The following BCAR3 variants were observed in gnomAD, a reference collection of about 807,000 sequenced individuals.
The protein encoded by BCAR3 is breast cancer anti-estrogen resistance protein 3.
BCAR3 carries 37 observed loss-of-function variants against 80.1 expected under a neutral mutation model. The ratio of observed to expected loss-of-function variants is 0.46; its 90% CI spans 0.36 to 0.61. The LOEUF is 0.61. Ranked by LOEUF, BCAR3 falls within the 20% of genes least tolerant of loss-of-function variation. BCAR3 has a pLI of 0.00. For missense variants in BCAR3, 978 were observed against 1,068.2 expected (o/e 0.92, Z 1.18); for synonymous variants, 389 against 418.9 (o/e 0.93, Z 0.87).
upstream of BCAR3, among the ~76,000 whole-genome samples, chr1:93,685,324 T>A (rs191683337): frequency 6.4e-4 from 97 of 152,032 alleles, no homozygotes; most frequent in African/African-American, 2.2e-3. Context: ...GTACTGCTAT[T>A]AATATTGTAT....
At chr1:93,605,373 C>T (rs191350479) in intron 3 of BCAR3, 33 of 152,352 alleles carry the variant, frequency 2.2e-4, no homozygotes, top group African/African-American at 7.2e-4. Context: ...TGTCCTCGAG[C>T]GACTTTGAAT....
chr1:93,600,605 T>C (rs1407892864), intron 3 of BCAR3: 1 of 152,234 alleles, frequency 6.6e-6, no homozygotes, highest in African/African-American at 2.4e-5. Context: ...AGTCAAGTAA[T>C]GCCTTTTTCC....
At chr1:93,562,625 G>T (rs1031021548) in intron 11 of BCAR3, among the ~76,000 whole-genome samples, 6 of 151,844 alleles carry the variant, frequency 4.0e-5, no homozygotes, top group Non-Finnish European at 7.4e-5. Flanking sequence ...CAAAAAATTA[G>T]CCAGGCGTGG....
intron 2 of BCAR3, among the ~76,000 whole-genome samples, chr1:93,829,615 T>C (rs1164752957): frequency 6.6e-6 from 1 of 151,970 alleles, no homozygotes; most frequent in Non-Finnish European, 1.5e-5. Context: ...CCTCCCAAAG[T>C]GCTGGGATTA....
chr1:93,675,554 G>T (rs1340676178), intron 1 of BCAR3, among the ~76,000 whole-genome samples: 1 of 152,176 alleles, frequency 6.6e-6, no homozygotes, highest in Non-Finnish European at 1.5e-5. Context: ...CAGCTGCAGA[G>T]GAAAGCCACT....
intron 3 of BCAR3, among the ~76,000 whole-genome samples, chr1:93,618,786 T>A (rs1213599598): frequency 6.6e-6 from 1 of 152,200 alleles, no homozygotes; most frequent in East Asian, 1.9e-4. Context: ...TCTCTGAGAT[T>A]CTATGAAAGT....
chr1:93,682,647 C>A (rs140303825), upstream of BCAR3, among the ~76,000 whole-genome samples: 2,078 of 152,254 alleles, frequency 0.014, 35 homozygotes, highest in African/African-American at 0.039. Flanking sequence ...CTCCGCCTCC[C>A]GGGTTCAAGC....
chr1:93,833,721 T>C (rs1370370230), intron 2 of BCAR3, among the ~76,000 whole-genome samples: 2 of 151,752 alleles, frequency 1.3e-5, no homozygotes, highest in African/African-American at 4.8e-5. Flanking sequence ...CCTTGTTTCC[T>C]GAAAATTGCT....
At chr1:93,759,455 G>C (rs77505735) in intron 2 of BCAR3, among the ~76,000 whole-genome samples, 2,357 of 152,300 alleles carry the variant, frequency 0.015, 32 homozygotes, top group Non-Finnish European at 0.023. Context: ...GGTGGCACCT[G>C]GCTGTGTTAC....
At chr1:93,648,885 C>T in intron 2 of BCAR3, 1 of 152,684 alleles carries the variant, frequency 6.5e-6, no homozygotes, top group Non-Finnish European at 1.5e-5. Context: ...CCCTGGTCTG[C>T]ACCACTCCTG....
At chr1:93,601,626 G>A (rs1674626743) in intron 3 of BCAR3, among the ~76,000 whole-genome samples, 1 of 152,264 alleles carries the variant, frequency 6.6e-6, no homozygotes, top group Non-Finnish European at 1.5e-5. Context: ...GTCCTTGTAT[G>A]TAGATTCTGT....
chr1:93,700,819 A>T (rs1377482932), intron 3 of BCAR3, among the ~76,000 whole-genome samples: 1 of 152,208 alleles, frequency 6.6e-6, no homozygotes, highest in Non-Finnish European at 1.5e-5. Context: ...TCATCAGTGG[A>T]GAGGGTTTTG....
At chr1:93,782,124 C>T (rs529028356) in intron 2 of BCAR3, among the ~76,000 whole-genome samples, 38 of 152,178 alleles carry the variant, frequency 2.5e-4, no homozygotes, top group Non-Finnish European at 4.9e-4. Context: ...GAAAAGGAAG[C>T]AAAATTAACT....
chr1:93,799,597 T>G (rs1653405498), intron 2 of BCAR3, among the ~76,000 whole-genome samples: 1 of 152,342 alleles, frequency 6.6e-6, no homozygotes, highest in African/African-American at 2.4e-5. Context: ...AATATTGGAA[T>G]TTTTCTTTAG....
At chr1:93,591,758 T>G (rs901198315) in intron 4 of BCAR3, among the ~76,000 whole-genome samples, 6 of 152,216 alleles carry the variant, frequency 3.9e-5, no homozygotes, top group African/African-American at 1.4e-4. Context: ...TTCCCACCTC[T>G]GGGTCACAGG....
intron 2 of BCAR3, among the ~76,000 whole-genome samples, chr1:93,772,683 C>T (rs970433982): frequency 6.6e-6 from 1 of 152,092 alleles, no homozygotes; most frequent in Non-Finnish European, 1.5e-5. Flanking sequence ...TGGCTCATTG[C>T]AACCTGCACC....
chr1:93,770,768 T>C (rs1483033179), intron 2 of BCAR3, among the ~76,000 whole-genome samples: 1 of 152,024 alleles, frequency 6.6e-6, no homozygotes, highest in Admixed American at 6.6e-5. Flanking sequence ...GGCAATAGAG[T>C]ACCCACCAGT....
intron 2 of BCAR3, among the ~76,000 whole-genome samples, chr1:93,668,038 C>T (rs935954673): frequency 1.3e-5 from 2 of 152,016 alleles, no homozygotes; most frequent in African/African-American, 2.4e-5. Context: ...TATTGAGGGG[C>T]GTGAAAAACC....
intron 2 of BCAR3, among the ~76,000 whole-genome samples, chr1:93,742,788 T>C (rs1216159195): frequency 6.6e-6 from 1 of 152,202 alleles, no homozygotes; most frequent in East Asian, 1.9e-4. Flanking sequence ...TCTTTTTTTG[T>C]AAACCTACTA....
Sources: gnomAD v4.1 joint callset for allele counts (sites outside exome capture counted in the v4.1 genomes callset) on GRCh38, gnomAD v4.1.1 for gene constraint, MANE v1.5 for transcripts, NCBI Gene and HGNC (gene_info 2026-07-23, HGNC 2026-07-21) for gene names.